The following GABRR1 variants were observed in gnomAD, a reference collection of about 807,000 sequenced individuals.
GABRR1 encodes gamma-aminobutyric acid receptor subunit rho-1.
GABRR1 carries 59 observed loss-of-function variants against 55.5 expected under a neutral mutation model. That is an observed-to-expected ratio of 1.06 (90% confidence interval 0.86 to 1.32). GABRR1 has a LOEUF of 1.32. GABRR1 is among the 40% of genes most tolerant of loss of function. The pLI, the probability that GABRR1 is intolerant of heterozygous loss-of-function variation, is 0.00. For synonymous variants in GABRR1, 213 were observed against 226.0 expected (o/e 0.94, Z 0.51); for missense variants, 602 against 619.1 (o/e 0.97, Z 0.29).
chr6:89,179,060 G>A lies in GABRR1; in HGVS notation c.1150C>T (p.Pro384Ser), dbSNP rs146705571. Residue 384 changes from proline to serine, a missense_variant, in exon 10 of 10, where the codon CCC becomes TCC. Physicochemically the swap from Pro to Ser is moderately conservative, Grantham distance 74. This residue lies in a region of GABRR1 where 139 missense variants were observed against 141.1 expected (regional missense o/e 0.99). Transcript: ENST00000454853. ...GGCGGAGGTAATCCGCTGGTGCAGG[G>A]AAGCTGCAAACAGTAAACACATGTT... ...RKEQKLREKL[P>S]CTSGLPPPRT... is the part of the protein sequence containing the mutation. The A allele has an allele frequency of 2.1e-5, 34 of 1,613,038 alleles. No homozygotes were observed. In the African/African-American group the frequency reaches 4.4e-4, roughly 21 times the overall value.
chr6:89,183,094 C>T (rs534354985), intron 7 of GABRR1, among the ~76,000 whole-genome samples: 1 of 146,938 alleles, frequency 6.8e-6, no homozygotes, highest in Non-Finnish European at 1.5e-5. Flanking sequence ...CTTTTGTGTC[C>T]TTACAAGGAA....
chr6:89,182,936 G>A (rs558447417), intron 7 of GABRR1, among the ~76,000 whole-genome samples: 9 of 152,022 alleles, frequency 5.9e-5, no homozygotes, highest in South Asian at 2.1e-4. Flanking sequence ...TCATATGCAC[G>A]TCAAAGTTTG....
At chr6:89,201,136 C>A (rs1353385158) in intron 3 of GABRR1, 23 bp downstream of exon 3, 17 of 1,556,980 alleles carry the variant, frequency 1.1e-5, no homozygotes, top group Non-Finnish European at 1.4e-5. Context: ...AAAGAGGACA[C>A]CCTGAGAGCA....
chr6:89,211,191 T>C (rs2325182), intron 1 of GABRR1, among the ~76,000 whole-genome samples: 1 of 152,058 alleles, frequency 6.6e-6, no homozygotes, highest in South Asian at 2.1e-4. Context: ...AGAGCACTAC[T>C]AACTTAAGAG....
intron 6 of GABRR1, 135 bp from the exon 7 acceptor site, chr6:89,185,585 A>G: frequency 1.4e-6 from 1 of 731,590 alleles, no homozygotes. Flanking sequence ...AAAACAAACC[A>G]CAGTCTAAAC....
Position 89,198,186 on chromosome 6 carries a change from G to T in GABRR1, c.406C>A (p.Pro136Thr). ...HYWKDERLSF[P>T]STNNLSMTFD... Reference sequence around the variant, plus strand: ...GTCATGCTGAGGTTGTTGGTGCTTGGAAAAGACAGCCTCTCGTCCTTCCAG... The same window carrying T: ...GTCATGCTGAGGTTGTTGGTGCTTGTAAAAGACAGCCTCTCGTCCTTCCAG... The change falls in exon 5 of 10, where the codon CCA becomes ACA. Residue 136 changes from proline (P) to threonine (T), a missense_variant. Coordinates refer to ENST00000454853, the MANE Select transcript of GABRR1 (RefSeq NM_002042.5). 6.2e-7 allele frequency: 1 copy of T among 1,614,060 alleles called. No individual in the cohort carries two copies.
At chr6:89,200,992 A>C (rs999891491) in intron 3 of GABRR1, among the ~76,000 whole-genome samples, 167 bp downstream of exon 3, 1 of 152,226 alleles carries the variant, frequency 6.6e-6, no homozygotes, top group East Asian at 1.9e-4. Flanking sequence ...AGGGCGGGGC[A>C]AGACAGATGC....
intron 5 of GABRR1, 67 bp downstream of exon 5, chr6:89,197,953 A>G: frequency 1.4e-6 from 2 of 1,445,574 alleles, no homozygotes; most frequent in South Asian, 2.3e-5. Context: ...AGAGCCAAAA[A>G]CCCAAATTGC....
chr6:89,208,106 C>T (rs778441833), intron 1 of GABRR1, among the ~76,000 whole-genome samples: 4 of 152,218 alleles, frequency 2.6e-5, no homozygotes, highest in Non-Finnish European at 5.9e-5. Context: ...GGCGATGCTA[C>T]AAGGGTAGGT....
Position 89,190,203 on chromosome 6 carries a change from G to A in GABRR1, c.617C>T (p.Pro206Leu). 6.2e-7 allele frequency: 1 copy of A among 1,611,540 alleles called. No individual in the cohort carries two copies. Among genetic ancestry groups the A allele is most frequent in the East Asian group, 2.2e-5 (1 of 44,726 alleles). Reference sequence around the variant, plus strand: ...AAGAGAGCACGTTTGTGTGTCCAAGGGAAATCGGCTGAAGTCCATGTTGCA... The same window carrying A: ...AAGAGAGCACGTTTGTGTGTCCAAGAGAAATCGGCTGAAGTCCATGTTGCA... Reference protein sequence around the residue: ...AMCNMDFSRFPLDTQTCSLEI... With the variant: ...AMCNMDFSRFLLDTQTCSLEI... The change falls in exon 6 of 10, where the codon CCC becomes CTC. Residue 206 changes from proline to leucine, a missense_variant. Physicochemically the swap from Pro to Leu is moderately conservative, Grantham distance 98 (BLOSUM62 -3). Around this residue, in one of 3 missense-constraint regions of GABRR1, gnomAD observed 435 missense variants for 424.2 expected, o/e 1.03. Transcript: ENST00000454853.
Position 89,211,962 on chromosome 6 carries a change from G to A in GABRR1, c.122+5239C>T, listed in dbSNP as rs576927902. 6.6e-5 allele frequency among the ~76,000 whole-genome samples: 10 copies of A among 152,158 alleles called. No homozygotes were observed. The South Asian group carries it at 1.9e-3, about 28-fold the overall frequency. ...CCACCTCATCCATTGCCACCTATGG[G>A]GACTCCCTTTAAATCTAATTCTCTA... is the stretch of plus-strand genomic sequence containing the variant. On this transcript the variant is annotated intron_variant, in intron 1 of 9. Transcript: ENST00000454853.
At chr6:89,198,567 A>G (rs1370621074) in intron 4 of GABRR1, among the ~76,000 whole-genome samples, 1 of 152,090 alleles carries the variant, frequency 6.6e-6, no homozygotes, top group East Asian at 1.9e-4. Flanking sequence ...GATGCCAGAA[A>G]GTTCATACCT....
intron 7 of GABRR1, among the ~76,000 whole-genome samples, chr6:89,183,183 T>G: frequency 1.4e-5 from 2 of 145,844 alleles, no homozygotes; most frequent in African/African-American, 2.5e-5. Context: ...GAAAAGGCCT[T>G]ATATGCGTGA....
intron 5 of GABRR1, among the ~76,000 whole-genome samples, chr6:89,190,448 AG>A (rs1368456974): frequency 2.0e-5 from 3 of 152,226 alleles, no homozygotes; most frequent in Non-Finnish European, 4.4e-5. Flanking sequence ...GTTTAACCCA[AG>A]GGTCAGTGTG....
At chr6:89,193,446 C>A (rs1772164227) in intron 5 of GABRR1, among the ~76,000 whole-genome samples, 1 of 151,946 alleles carries the variant, frequency 6.6e-6, no homozygotes, top group African/African-American at 2.4e-5. Context: ...AATGAGAAAT[C>A]AACTCATCTG....
rs201745195 is a variant in GABRR1, at chr6:89,185,405, T to C, written c.701A>G (p.Asn234Ser). 1.1e-5 allele frequency: 18 copies of C among 1,613,736 alleles called. No homozygotes were observed. Among genetic ancestry groups the C allele is most frequent in the Admixed American group, 3.3e-5 (2 of 60,008 alleles). ...CCGTTCATCTGTCTTTAAGGAGTCA[T>C]TGCCCTTTTTCCAGTACAGCATGAG... ...DDLMLYWKKG[N>S]DSLKTDERIS... is the part of the protein sequence containing the mutation. Residue 234 changes from asparagine to serine, a missense_variant, in exon 7 of 10, where the codon AAT becomes AGT. By Grantham distance (46) the Asn-to-Ser change is conservative. Coordinates refer to ENST00000454853, the MANE Select transcript of GABRR1 (RefSeq NM_002042.5).
At chr6:89,214,347 AT>A (rs1458047278) in intron 1 of GABRR1, among the ~76,000 whole-genome samples, 7 of 138,766 alleles carry the variant, frequency 5.0e-5, no homozygotes, top group African/African-American at 1.9e-4. Context: ...TAGGCAGTGA[AT>A]TTTTTGCATT....
chr6:89,193,602 G>A lies in GABRR1; in HGVS notation c.573-3355C>T, dbSNP rs545740350. On this transcript the variant is annotated intron_variant, in intron 5 of 9. Coordinates refer to ENST00000454853, the MANE Select transcript of GABRR1 (RefSeq NM_002042.5). ...CTGGACTGGACTTCTACAGGCTTTC[G>A]GGAGCTGATTGCTAGATTTTCAGGA... is the stretch of plus-strand genomic sequence containing the variant. Among the ~76,000 whole-genome samples the A allele has an allele frequency of 2.6e-4, 39 of 152,160 alleles. 1 individual carries two copies. The highest frequency in any genetic ancestry group is 9.4e-4 in the African/African-American group (39 of 41,524).
At chr6:89,196,851 G>GAAA (rs1554190864) in intron 5 of GABRR1, among the ~76,000 whole-genome samples, 1 of 132,720 alleles carries the variant, frequency 7.5e-6, no homozygotes, top group African/African-American at 2.9e-5. Context: ...AAGAAAGAAA[G>GAAA]AAAGAAAGAA....
Sources: gnomAD v4.1 joint callset for allele counts (sites outside exome capture counted in the v4.1 genomes callset) on GRCh38, gnomAD v4.1.1 for gene constraint, gnomAD v4.1.1 regional missense constraint, MANE v1.5 for transcripts, NCBI Gene and HGNC (gene_info 2026-07-23, HGNC 2026-07-21) for gene names.